The following DMD variants were observed in gnomAD, a reference collection of about 807,000 sequenced individuals.
DMD encodes mutant dystrophin.
In DMD, 63 loss-of-function variants were observed where a neutral mutation model predicts 330.1. The observed-to-expected ratio is 0.19, with a 90% CI of 0.16 to 0.24. The LOEUF (loss-of-function observed/expected upper bound fraction) is 0.24. Ranked by LOEUF, DMD falls within the 10% of genes least tolerant of loss-of-function variation. The pLI is 1.00. For synonymous variants in DMD, 1,223 were observed against 959.8 expected (o/e 1.27, Z -5.07); for missense variants, 3,344 against 2,684.1 (o/e 1.25, Z -5.43).
intron 25 of DMD, among the ~76,000 whole-genome samples, chrX:32,462,736 G>A (rs2148413170): frequency 1.8e-5 from 2 of 110,823 alleles, no homozygotes; most frequent in Admixed American, 1.9e-4. Flanking sequence ...AAAGAGCATT[G>A]TTTGAGCCCA....
chrX:32,148,066 AC>A (rs2147132639), intron 44 of DMD, among the ~76,000 whole-genome samples: 1 of 109,005 alleles, frequency 9.2e-6, no homozygotes, highest in South Asian at 4.0e-4. Flanking sequence ...TTTAGTAGAG[AC>A]GGGGTTTCAC....
chrX:32,975,346 C>CTTT (rs35180404), intron 2 of DMD, among the ~76,000 whole-genome samples: 1,152 of 64,757 alleles, frequency 0.018, 46 homozygotes, highest in African/African-American at 0.064. Flanking sequence ...TTAAAAAATG[C>CTTT]TTTTTTTTTT....
chrX:32,126,783 G>T (rs1647460304), intron 44 of DMD, among the ~76,000 whole-genome samples: 1 of 111,540 alleles, frequency 9.0e-6, no homozygotes, highest in African/African-American at 3.3e-5. Context: ...GGGACCCTTT[G>T]GGGGATATTA....
At chrX:32,300,764 A>C in intron 42 of DMD, among the ~76,000 whole-genome samples, 1 of 111,164 alleles carries the variant, frequency 9.0e-6, no homozygotes, top group Middle Eastern at 4.2e-3. Context: ...GATACGCTTT[A>C]GTGTTGTGTG....
intron 1 of DMD, among the ~76,000 whole-genome samples, chrX:33,155,437 T>C (rs1458429667): frequency 9.1e-6 from 1 of 109,744 alleles, no homozygotes; most frequent in Non-Finnish European, 1.9e-5. Context: ...TGCCTTGGCC[T>C]CCTGAGTAGC....
At chrX:31,756,207 G>A (rs936446991) in intron 51 of DMD, among the ~76,000 whole-genome samples, 1 of 111,350 alleles carries the variant, frequency 9.0e-6, no homozygotes. Flanking sequence ...TTTTATCTTG[G>A]CTCTTCGACA....
intron 44 of DMD, among the ~76,000 whole-genome samples, chrX:32,053,243 G>A (rs1195428124): frequency 9.0e-6 from 1 of 111,577 alleles, no homozygotes; most frequent in African/African-American, 3.3e-5. Flanking sequence ...ATCCCTAACA[G>A]ATGACAAGTC....
At chrX:32,784,292 A>C (rs1326808673) in intron 7 of DMD, among the ~76,000 whole-genome samples, 8 of 111,651 alleles carry the variant, frequency 7.2e-5, no homozygotes, top group Non-Finnish European at 1.5e-4. Flanking sequence ...GTTGACTTAA[A>C]ATAGTTTAAA....
At chrX:33,312,248 C>G (rs983100039) in intron 1 of DMD, among the ~76,000 whole-genome samples, 1 of 110,483 alleles carries the variant, frequency 9.1e-6, no homozygotes, top group African/African-American at 3.3e-5. Context: ...AGACTCAGAT[C>G]AAAAATACAG....
intron 44 of DMD, among the ~76,000 whole-genome samples, chrX:32,055,636 G>A (rs890974308): frequency 1.8e-5 from 2 of 111,349 alleles, no homozygotes; most frequent in African/African-American, 6.5e-5. Context: ...CCATGAATAT[G>A]TACAATTATT....
chrX:32,902,862 T>C (rs772624929), intron 2 of DMD, among the ~76,000 whole-genome samples: 7 of 109,832 alleles, frequency 6.4e-5, no homozygotes, highest in Non-Finnish European at 1.3e-4. Flanking sequence ...GTCAAGAAAC[T>C]ATAAAGAAAT....
At chrX:32,561,835 C>A (rs183252529) in intron 16 of DMD, among the ~76,000 whole-genome samples, 1 of 111,678 alleles carries the variant, frequency 9.0e-6, no homozygotes, top group Non-Finnish European at 1.9e-5. Context: ...AGGGTAACAG[C>A]AGATCTCTCA....
At chrX:31,275,212 A>C (rs777885141) in intron 62 of DMD, among the ~76,000 whole-genome samples, 8 of 108,901 alleles carry the variant, frequency 7.3e-5, no homozygotes, top group African/African-American at 2.3e-4. Flanking sequence ...TTTTGCTAGA[A>C]TATGAAGAGT....
At chrX:31,814,077 C>G (rs1391156215) in intron 50 of DMD, among the ~76,000 whole-genome samples, 1 of 110,818 alleles carries the variant, frequency 9.0e-6, no homozygotes, top group African/African-American at 3.3e-5. Context: ...ACTGAGATAT[C>G]AGAATTTAGG....
At chrX:32,980,329 G>C (rs112303914) in intron 2 of DMD, among the ~76,000 whole-genome samples, 1 of 87,246 alleles carries the variant, frequency 1.1e-5, no homozygotes, top group East Asian at 3.7e-4. Flanking sequence ...TCGCGCCACT[G>C]CACCACTCCT....
In DMD at chrX:32,491,348, T is replaced by G. The variant is rs753665097; in HGVS notation, c.2551A>C (p.Asn851His). Residue 851 changes from asparagine to histidine, a missense_variant, in exon 20 of 79, where the codon AAC becomes CAC. Transcript: ENST00000357033. ...GTGGTGGGTTGGATTTTCAACCAGT[T>G]TTCAGCAGTAGTTGTCATCTGCTCC... ...QLEQMTTTAE[N>H]WLKIQPTTPS... 9.1e-6 allele frequency: 11 copies of G among 1,209,364 alleles called. No homozygotes were observed. Among genetic ancestry groups the G allele is most frequent in the South Asian group, 3.5e-5 (2 of 56,815 alleles).
chrX:32,054,132 AG>A (rs1569537450), intron 44 of DMD, among the ~76,000 whole-genome samples: 296 of 100,459 alleles, frequency 2.9e-3, no homozygotes, highest in Non-Finnish European at 4.1e-3. Context: ...AGAGAGAGAG[AG>A]AGAAGAGGAC....
chrX:31,795,017 G>A (rs1222847424), intron 50 of DMD, among the ~76,000 whole-genome samples: 1 of 111,629 alleles, frequency 9.0e-6, no homozygotes, highest in Non-Finnish European at 1.9e-5. Flanking sequence ...GGTACCTTTG[G>A]GCCCAGTGTC....
At chrX:31,818,153 T>C (rs1361382640) in intron 50 of DMD, among the ~76,000 whole-genome samples, 1 of 112,128 alleles carries the variant, frequency 8.9e-6, no homozygotes, top group Admixed American at 9.5e-5. Flanking sequence ...CAAATACCCA[T>C]TGACATCAAT....
Sources: allele counts gnomAD v4.1 joint callset (sites outside exome capture counted in the v4.1 genomes callset), GRCh38; gene constraint gnomAD v4.1.1; transcripts MANE v1.5; gene names NCBI Gene and HGNC (gene_info 2026-07-23, HGNC 2026-07-21).